The following CALN1 variants were observed in gnomAD, a reference collection of about 807,000 sequenced individuals.
CALN1 encodes calneuron 1.
In CALN1, 17 loss-of-function variants were observed where a neutral mutation model predicts 30.6. The ratio of observed to expected loss-of-function variants is 0.56; its 90% CI spans 0.38 to 0.83. The LOEUF (loss-of-function observed/expected upper bound fraction) is 0.83, where lower values mean the gene tolerates loss of function less well. Ranked by LOEUF, CALN1 falls within the 40% of genes least tolerant of loss-of-function variation. CALN1 has a pLI of 0.00. For synonymous variants in CALN1, 156 were observed against 131.4 expected, an observed-to-expected ratio of 1.19 and a Z score of -1.28; for missense variants, 291 against 354.9, an observed-to-expected ratio of 0.82 and a Z score of 1.45.
chr7:71,928,872 C>T (rs1420513720), intron 5 of CALN1, among the ~76,000 whole-genome samples: 1 of 150,938 alleles, frequency 6.6e-6, no homozygotes, highest in Non-Finnish European at 1.5e-5. Flanking sequence ...ACTAAAAATA[C>T]AAAAATACAA....
At chr7:72,192,786 G>C (rs1046086913) in intron 3 of CALN1, among the ~76,000 whole-genome samples, 1 of 145,896 alleles carries the variant, frequency 6.9e-6, no homozygotes, top group Admixed American at 6.8e-5. Context: ...TATATCTCCC[G>C]ATGCTATCCC....
intron 5 of CALN1, among the ~76,000 whole-genome samples, chr7:71,892,868 A>C (rs2116891747): frequency 6.6e-6 from 1 of 152,274 alleles, no homozygotes; most frequent in Non-Finnish European, 1.5e-5. Flanking sequence ...CTACCTAATA[A>C]ATGACGTGAG....
intron 3 of CALN1, among the ~76,000 whole-genome samples, chr7:72,247,488 C>G (rs1314538976): frequency 6.6e-6 from 1 of 151,554 alleles, no homozygotes; most frequent in Admixed American, 6.6e-5. Context: ...CCTTGTGGAC[C>G]TTGTGATCTG....
At chr7:71,871,733 A>AT (rs1275155446) in intron 5 of CALN1, among the ~76,000 whole-genome samples, 4 of 151,386 alleles carry the variant, frequency 2.6e-5, no homozygotes, top group Admixed American at 1.3e-4. Flanking sequence ...TTTCCCATGA[A>AT]TCACTCTCCT....
At chr7:72,205,672 TTTAAG>T (rs1791825742) in intron 3 of CALN1, among the ~76,000 whole-genome samples, 3 of 149,360 alleles carry the variant, frequency 2.0e-5, no homozygotes, top group South Asian at 4.2e-4. Context: ...TTTTTAATGC[TTTAAG>T]TTTTGTAACA....
chr7:72,504,244 C>G, the CALN1 span, among the ~76,000 whole-genome samples: 4 of 152,212 alleles, frequency 2.6e-5, no homozygotes, highest in Admixed American at 2.6e-4. Flanking sequence ...TTCCCACCCT[C>G]TCCCCGGTGA....
the CALN1 span, among the ~76,000 whole-genome samples, chr7:72,492,909 A>T: frequency 6.6e-6 from 1 of 152,194 alleles, no homozygotes; most frequent in Non-Finnish European, 1.5e-5. Flanking sequence ...TGACTAACAC[A>T]TTTGCAGAGA....
At chr7:71,916,481 A>C (rs1025747774) in intron 5 of CALN1, among the ~76,000 whole-genome samples, 1 of 152,116 alleles carries the variant, frequency 6.6e-6, no homozygotes, top group Non-Finnish European at 1.5e-5. Flanking sequence ...ATAGAATACT[A>C]TGCAACCATA....
chr7:72,474,987 C>A, the CALN1 span, among the ~76,000 whole-genome samples: 1 of 152,168 alleles, frequency 6.6e-6, no homozygotes, highest in Non-Finnish European at 1.5e-5. Flanking sequence ...CTTTGTCCCC[C>A]CCAAGCCTGG....
intron 1 of CALN1, among the ~76,000 whole-genome samples, chr7:72,433,161 C>A (rs563766878): frequency 1.1e-4 from 17 of 152,250 alleles, no homozygotes; most frequent in African/African-American, 3.9e-4. Flanking sequence ...GGGAAAGGAA[C>A]CTGCCCCTTG....
At chr7:72,335,503 G>A (rs368546297) in intron 2 of CALN1, among the ~76,000 whole-genome samples, 40 of 152,182 alleles carry the variant, frequency 2.6e-4, no homozygotes, top group African/African-American at 9.6e-4. Flanking sequence ...ACTCTAGAAT[G>A]TAGTTATTAT....
chr7:72,450,205 T>TTAAAAA (rs1218133992), upstream of CALN1, among the ~76,000 whole-genome samples: 17 of 152,064 alleles, frequency 1.1e-4, no homozygotes, highest in South Asian at 2.1e-4. Context: ...GCTCTTGTCT[T>TTAAAAA]TAAAAATAAA....
intron 5 of CALN1, among the ~76,000 whole-genome samples, chr7:71,945,945 G>C (rs1436647805): frequency 1.3e-5 from 2 of 152,182 alleles, no homozygotes; most frequent in Non-Finnish European, 2.9e-5. Flanking sequence ...CGCTGCTCCA[G>C]AGTTCAGAGA....
At chr7:72,022,763 T>TA (rs1466921067) in intron 5 of CALN1, among the ~76,000 whole-genome samples, 1 of 152,134 alleles carries the variant, frequency 6.6e-6, no homozygotes, top group Non-Finnish European at 1.5e-5. Flanking sequence ...CAAGCACTGA[T>TA]AGATTATAGC....
intron 5 of CALN1, among the ~76,000 whole-genome samples, chr7:71,829,868 C>T (rs17144018): frequency 0.068 from 10,403 of 152,144 alleles, 676 homozygotes; most frequent in East Asian, 0.32. Flanking sequence ...CATTGCACAT[C>T]GAAGAGGATG....
At chr7:72,441,931 G>T (rs569849771) in intron 1 of CALN1, among the ~76,000 whole-genome samples, 1 of 151,706 alleles carries the variant, frequency 6.6e-6, no homozygotes, top group Non-Finnish European at 1.5e-5. Flanking sequence ...CATCTCCACC[G>T]GGAGCCTCAA....
intron 5 of CALN1, among the ~76,000 whole-genome samples, chr7:71,989,745 G>C (rs1392946243): frequency 6.6e-6 from 1 of 152,140 alleles, no homozygotes; most frequent in Non-Finnish European, 1.5e-5. Context: ...ATCCTGATTA[G>C]AGGAGAAAAA....
At chr7:72,404,479 C>T (rs1477570491) in intron 1 of CALN1, among the ~76,000 whole-genome samples, 11 of 152,328 alleles carry the variant, frequency 7.2e-5, no homozygotes, top group South Asian at 4.1e-4. Context: ...AAATGGAAGA[C>T]GTTGGTGATG....
chr7:72,175,678 C>A (rs536777961), intron 3 of CALN1, among the ~76,000 whole-genome samples: 95 of 152,274 alleles, frequency 6.2e-4, no homozygotes, highest in African/African-American at 2.1e-3. Flanking sequence ...GAGAAGTAGG[C>A]AGACCAGGGC....
Sources: allele counts gnomAD v4.1 joint callset (sites outside exome capture counted in the v4.1 genomes callset), GRCh38; gene constraint gnomAD v4.1.1; transcripts MANE v1.5; gene names NCBI Gene and HGNC (gene_info 2026-07-23, HGNC 2026-07-21).